RBFOX1: variants seen among roughly 807,000 people sequenced by gnomAD.
The protein encoded by RBFOX1 is RNA binding protein fox-1 homolog 1.
Under a neutral mutation model 57.7 loss-of-function variants are expected in RBFOX1, and 8 were observed. That is an observed-to-expected ratio of 0.14 (90% CI 0.08 to 0.25). The LOEUF (loss-of-function observed/expected upper bound fraction) is 0.25, where lower values mean the gene tolerates loss of function less well. RBFOX1 is among the 10% of genes least tolerant of loss of function. The probability of loss-of-function intolerance (pLI) is 1.00; values close to 1 mark genes in which losing one functional copy is unlikely to be tolerated. For synonymous variants in RBFOX1, 326 were observed against 222.4 expected (o/e 1.47, Z -4.15); for missense variants, 611 against 548.5 (o/e 1.11, Z -1.14).
intron 3 of RBFOX1, among the ~76,000 whole-genome samples, chr16:6,982,395 A>G (rs568266795): frequency 6.6e-6 from 1 of 152,322 alleles, no homozygotes; most frequent in South Asian, 2.1e-4. Context: ...ATATCATTCC[A>G]GAGTCAGGGC....
At chr16:6,049,037 T>TTACATCTTC (rs2095524077) in intron 1 of RBFOX1, among the ~76,000 whole-genome samples, 1 of 151,028 alleles carries the variant, frequency 6.6e-6, no homozygotes, top group African/African-American at 2.4e-5. Flanking sequence ...GATCGACCCC[T>TTACATCTTC]TACATCTTCT....
At chr16:7,677,623 AGT>A (rs2073732342) in intron 14 of RBFOX1, among the ~76,000 whole-genome samples, 2 of 152,122 alleles carry the variant, frequency 1.3e-5, no homozygotes, top group South Asian at 2.1e-4. Context: ...TGAAAAGGAA[AGT>A]GTGTGTTTTC....
chr16:6,594,586 A>T (rs1003441009), intron 2 of RBFOX1, among the ~76,000 whole-genome samples: 1 of 152,272 alleles, frequency 6.6e-6, no homozygotes, highest in East Asian at 1.9e-4. Context: ...CTGTTTTTCA[A>T]TTATGGGCAA....
In RBFOX1 at chr16:7,409,947, G is replaced by T. The variant is rs548963833; in HGVS notation, c.28-108200G>T. Among the ~76,000 whole-genome samples the T allele has an allele frequency of 2.6e-3, 393 of 152,278 alleles. 1 individual carries two copies. Among genetic ancestry groups the T allele is most frequent in the South Asian group, 8.1e-3 (39 of 4,828 alleles). Reference sequence around the variant, plus strand: ...ATCGAGGAGGCTGTGCCTGTGGTCTGAGCTGACATTTCTCTAACAGTGAGA... The same window carrying T: ...ATCGAGGAGGCTGTGCCTGTGGTCTTAGCTGACATTTCTCTAACAGTGAGA... On this transcript the variant is annotated intron_variant, in intron 4 of 15. Coordinates refer to ENST00000550418, the MANE Select transcript of RBFOX1 (RefSeq NM_018723.4).
intron 1 of RBFOX1, among the ~76,000 whole-genome samples, chr16:6,045,263 G>A (rs1353845852): frequency 6.6e-6 from 1 of 152,226 alleles, no homozygotes; most frequent in Non-Finnish European, 1.5e-5. Context: ...ACATTGAGTA[G>A]TAAGGAGATA....
intron 3 of RBFOX1, among the ~76,000 whole-genome samples, chr16:5,827,211 C>T (rs1276531926): frequency 6.6e-6 from 1 of 151,912 alleles, no homozygotes; most frequent in African/African-American, 2.4e-5. Flanking sequence ...ACCAGCCTGG[C>T]CAACATGGTG....
chr16:5,299,862 T>C (rs1320187773), intron 1 of RBFOX1, among the ~76,000 whole-genome samples: 1 of 152,216 alleles, frequency 6.6e-6, no homozygotes, highest in Non-Finnish European at 1.5e-5. Flanking sequence ...ATCCTTGTCT[T>C]ATTCCTGATC....
chr16:7,002,773 C>A (rs12921822), intron 3 of RBFOX1, among the ~76,000 whole-genome samples: 2 of 151,964 alleles, frequency 1.3e-5, no homozygotes, highest in Non-Finnish European at 2.9e-5. Context: ...AAATACACTT[C>A]CTGAATGTCG....
intron 3 of RBFOX1, among the ~76,000 whole-genome samples, chr16:6,673,759 T>C (rs1458011546): frequency 6.6e-6 from 1 of 152,172 alleles, no homozygotes; most frequent in Admixed American, 6.5e-5. Flanking sequence ...GTATCATCTG[T>C]CATGGAGATA....
At chr16:5,489,890 T>C (rs2042768232) in intron 2 of RBFOX1, among the ~76,000 whole-genome samples, 1 of 152,256 alleles carries the variant, frequency 6.6e-6, no homozygotes, top group South Asian at 2.1e-4. Flanking sequence ...TCCAGGTAGC[T>C]GGCAACCTTC....
chr16:7,060,415 A>G (rs2053887920), intron 4 of RBFOX1, among the ~76,000 whole-genome samples: 1 of 152,206 alleles, frequency 6.6e-6, no homozygotes, highest in South Asian at 2.1e-4. Context: ...AGATCAATAA[A>G]TGCATGCACG....
chr16:6,755,452 A>C (rs1438419248), intron 3 of RBFOX1, among the ~76,000 whole-genome samples: 1 of 152,176 alleles, frequency 6.6e-6, no homozygotes, highest in Non-Finnish European at 1.5e-5. Context: ...TCTGATGGCC[A>C]GTGATGGTGA....
chr16:5,251,901 A>C (rs1462301945), intron 1 of RBFOX1, among the ~76,000 whole-genome samples: 2 of 152,122 alleles, frequency 1.3e-5, no homozygotes, highest in African/African-American at 4.8e-5. Flanking sequence ...AGTTTAAAAA[A>C]AAAAAGAAGA....
chr16:6,200,640 A>T (rs2097208998), intron 1 of RBFOX1, among the ~76,000 whole-genome samples: 1 of 152,224 alleles, frequency 6.6e-6, no homozygotes, highest in Non-Finnish European at 1.5e-5. Context: ...TTAAATGATT[A>T]AGAAATACAT....
At chr16:7,572,349 G>A (rs945574241) in intron 5 of RBFOX1, among the ~76,000 whole-genome samples, 21 of 152,250 alleles carry the variant, frequency 1.4e-4, no homozygotes, top group African/African-American at 1.9e-4. Context: ...AGTCATTTAC[G>A]CTGCAGATAT....
At position 5,863,452 on chromosome 16, in the gene RBFOX1, C is replaced by T. The variant is rs375680348; in HGVS notation, c.319-3851C>T. Among the ~76,000 whole-genome samples, 5 of 152,188 alleles carry T rather than the reference C, an allele frequency of 3.3e-5. No homozygotes were observed. The East Asian group carries it at 9.7e-4, about 29-fold the overall frequency. ...ATGGTTGCAGCTGGCGTCAGCAACC[C>T]TTAAAGAGCCCTCCATCCTCCAGCA... On this transcript the variant is annotated intron_variant, in intron 3 of 19. Transcript: ENST00000641259.
chr16:7,158,871 T>C (rs1182386105), intron 4 of RBFOX1, among the ~76,000 whole-genome samples: 1 of 152,102 alleles, frequency 6.6e-6, no homozygotes, highest in African/African-American at 2.4e-5. Flanking sequence ...GTGTATGGTT[T>C]CTGTGGTGTG....
At chr16:7,304,915 GGTGTGTGTGTGTGTGTGTGTGTGTGT>G (rs59599069) in intron 4 of RBFOX1, among the ~76,000 whole-genome samples, 3 of 140,602 alleles carry the variant, frequency 2.1e-5, no homozygotes, top group African/African-American at 8.0e-5. Flanking sequence ...TGTGTGGTGT[GGTGTGTGTGTGTGTGTGTGTGTGTGT>G]GTGTGTGTGT....
chr16:6,956,204 C>T (rs79122790), intron 3 of RBFOX1, among the ~76,000 whole-genome samples: 9 of 152,142 alleles, frequency 5.9e-5, no homozygotes, highest in African/African-American at 2.2e-4. Context: ...GGGAGTACCA[C>T]ACAGGAGATC....
Sources: gnomAD v4.1 joint callset for allele counts (sites outside exome capture counted in the v4.1 genomes callset) on GRCh38, gnomAD v4.1.1 for gene constraint, MANE v1.5 for transcripts, NCBI Gene and HGNC (gene_info 2026-07-23, HGNC 2026-07-21) for gene names.